SMAD2: variants seen among roughly 807,000 people sequenced by gnomAD.
The protein encoded by SMAD2 is MAD homolog 2.
SMAD2 carries 8 observed loss-of-function variants against 64.4 expected under a neutral mutation model. That is an observed-to-expected ratio of 0.12 (90% CI 0.07 to 0.22). The LOEUF (loss-of-function observed/expected upper bound fraction) is 0.22. Ranked by LOEUF, SMAD2 falls within the 10% of genes least tolerant of loss-of-function variation. The pLI is 1.00. For synonymous variants in SMAD2, 203 were observed against 195.8 expected (o/e 1.04, Z -0.31); for missense variants, 289 against 561.2 (o/e 0.51, Z 4.90).
chr18:47,834,747 A>C lies in SMAD2; in HGVS notation c.*7080T>G, dbSNP rs1377743648. The C allele has an allele frequency of 9.0e-6, 2 of 221,262 alleles. No individual in the cohort carries two copies. The highest frequency in any genetic ancestry group is 1.3e-4 in the East Asian group (2 of 15,244). 13.7% of individuals were successfully genotyped at this position (221,262 alleles called of 1,614,324 possible). A position where few individuals can be genotyped will look rare whatever the true frequency, so the allele number is the denominator to read the frequency against. ...AATCTGTTTTCAGACAAATCTTCTA[A>C]AGGTTCTTCTAGCTTTGTCCAGTTA... On this transcript the variant is annotated 3_prime_UTR_variant, in exon 11 of 11. Transcript: ENST00000262160.
At chr18:47,928,360 C>T (rs2034851915) in intron 1 of SMAD2, among the ~76,000 whole-genome samples, 1 of 152,132 alleles carries the variant, frequency 6.6e-6, no homozygotes, top group South Asian at 2.1e-4. Context: ...CACAGCTAAA[C>T]CGAGTTTTTC....
At chr18:47,921,740 T>C (rs916193044) in intron 1 of SMAD2, among the ~76,000 whole-genome samples, 2 of 152,214 alleles carry the variant, frequency 1.3e-5, no homozygotes, top group African/African-American at 4.8e-5. Flanking sequence ...TTATCTCTAG[T>C]AAATCCCCCA....
Position 47,837,574 on chromosome 18 carries a change from AAAAAAC to A in SMAD2, c.*4247_*4252del, listed in dbSNP as rs1913544272. The A allele has an allele frequency of 8.8e-6, 2 of 227,916 alleles. No individual in the cohort carries two copies. The highest frequency in any genetic ancestry group is 5.8e-5 in the Admixed American group (1 of 17,368). 14.1% of individuals were successfully genotyped at this position (227,916 alleles called of 1,614,324 possible). A position where few individuals can be genotyped will look rare whatever the true frequency, so the allele number is the denominator to read the frequency against. On this transcript the variant is annotated 3_prime_UTR_variant, in exon 11 of 11. Coordinates refer to ENST00000262160, the MANE Select transcript of SMAD2 (RefSeq NM_005901.6). ...GAGACTCCCTCTCAAAAAAAAAAAA[AAAAAAC>A]AAAAAACAAGGCTAACAAGAAAGAG...
At position 47,838,903 on chromosome 18, in the gene SMAD2, T is replaced by C; in HGVS notation, c.*2924A>G. The C allele has an allele frequency of 4.3e-6, 1 of 233,098 alleles. No individual in the cohort carries two copies. Among genetic ancestry groups the C allele is most frequent in the East Asian group, 6.0e-5 (1 of 16,652 alleles). 14.4% of individuals were successfully genotyped at this position (233,098 alleles called of 1,614,324 possible). On this transcript the variant is annotated 3_prime_UTR_variant, in exon 11 of 11. Coordinates refer to ENST00000262160, the MANE Select transcript of SMAD2 (RefSeq NM_005901.6). ...ATCATTCCTAGAAAATTAACAGTAT[T>C]GTGAAGAATAAATCCTAAGTAATGT...
chr18:47,888,829 A>T (rs1404462944), intron 2 of SMAD2, among the ~76,000 whole-genome samples: 1 of 152,238 alleles, frequency 6.6e-6, no homozygotes, highest in Admixed American at 6.5e-5. Flanking sequence ...TTGAGAAAGA[A>T]AAGAATGGAC....
Position 47,900,215 on chromosome 18 carries a change from T to TA in SMAD2, c.-53-3407dup, listed in dbSNP as rs886234616. Among the ~76,000 whole-genome samples the TA allele has an allele frequency of 2.0e-5, 3 of 152,006 alleles. No individual in the cohort carries two copies. The East Asian group carries it at 5.8e-4, about 29-fold the overall frequency. The stretch of plus-strand genomic sequence containing the variant: ...CCATCATTTCAACCTGCAATCAATA[T>TA]AAAAAAAATTTTCATACTAAGTCTA... On this transcript the variant is annotated intron_variant, in intron 1 of 10. Coordinates refer to ENST00000262160, the MANE Select transcript of SMAD2 (RefSeq NM_005901.6).
chr18:47,885,731 G>T (rs935918150), intron 2 of SMAD2, among the ~76,000 whole-genome samples: 1 of 152,142 alleles, frequency 6.6e-6, no homozygotes, highest in African/African-American at 2.4e-5. Flanking sequence ...GGAGGCTGAG[G>T]CAGGCAGATC....
At chr18:47,845,000 C>A (rs1340169364) in intron 10 of SMAD2, 20 of 525,912 alleles carry the variant, frequency 3.8e-5, no homozygotes, top group Non-Finnish European at 6.4e-5. Context: ...GCACCTTTTA[C>A]AACTAGATCA....
chr18:47,873,833 G>A (rs1422053996), intron 2 of SMAD2, among the ~76,000 whole-genome samples: 1 of 152,248 alleles, frequency 6.6e-6, no homozygotes, highest in East Asian at 1.9e-4. Context: ...GCTAGGCAGG[G>A]CAACTAGAAT....
intron 1 of SMAD2, among the ~76,000 whole-genome samples, chr18:47,922,859 C>A (rs1213153631): frequency 6.6e-6 from 1 of 152,246 alleles, no homozygotes; most frequent in East Asian, 1.9e-4. Context: ...AGGAAAGACA[C>A]TGCCAACTGG....
rs867734007 is a variant in SMAD2 at position 47,930,617 on chromosome 18, C to G, written c.-310G>C. ...GGAGAGGGAAGGGGAGGGGAGGGAG[C>G]CTGGCCGCCGCCCGCGGGGAAGGAG... On this transcript the variant is annotated 5_prime_UTR_variant, in exon 1 of 11. Transcript: ENST00000262160. 6.7e-6 allele frequency: 1 copy of G among 148,924 alleles called. No individual in the cohort carries two copies. The highest frequency in any genetic ancestry group is 6.6e-5 in the Admixed American group (1 of 15,058). 9.2% of individuals were successfully genotyped at this position (148,924 alleles called of 1,614,324 possible). A position where few individuals can be genotyped will look rare whatever the true frequency, so the allele number is the denominator to read the frequency against.
intron 2 of SMAD2, among the ~76,000 whole-genome samples, chr18:47,876,868 T>C (rs1328988017): frequency 1.3e-5 from 2 of 152,098 alleles, no homozygotes; most frequent in Non-Finnish European, 2.9e-5. Flanking sequence ...TATCCAGATA[T>C]TATGTTTGGT....
At chr18:47,868,564 G>T in intron 4 of SMAD2, 107 bp from the exon 5 acceptor site, 1 of 861,156 alleles carries the variant, frequency 1.2e-6, no homozygotes, top group Non-Finnish European at 1.9e-6. Flanking sequence ...AATTTTTAAA[G>T]CTAGGGTCCA....
chr18:47,917,373 T>C (rs948734777), intron 1 of SMAD2, among the ~76,000 whole-genome samples: 1 of 152,226 alleles, frequency 6.6e-6, no homozygotes, highest in Non-Finnish European at 1.5e-5. Context: ...CTTTTAGGAG[T>C]ATCTCCACTT....
At chr18:47,871,332 T>G (rs2031920575) in intron 2 of SMAD2, among the ~76,000 whole-genome samples, 2 of 152,208 alleles carry the variant, frequency 1.3e-5, no homozygotes, top group Admixed American at 1.3e-4. Flanking sequence ...TCTTACATAT[T>G]ACAAAATCAT....
intron 6 of SMAD2, among the ~76,000 whole-genome samples, chr18:47,859,769 CA>C (rs1568054044): frequency 6.6e-6 from 1 of 151,994 alleles, no homozygotes; most frequent in Non-Finnish European, 1.5e-5. Context: ...TGAATACAAA[CA>C]AAACAGAAAA....
At chr18:47,873,123 A>G (rs908834523) in intron 2 of SMAD2, among the ~76,000 whole-genome samples, 2 of 152,128 alleles carry the variant, frequency 1.3e-5, no homozygotes, top group Admixed American at 6.6e-5. Context: ...TACAGAAGTA[A>G]GTCAACGTGC....
chr18:47,906,392 G>T (rs1336119768), intron 1 of SMAD2, among the ~76,000 whole-genome samples: 1 of 152,060 alleles, frequency 6.6e-6, no homozygotes, highest in Non-Finnish European at 1.5e-5. Flanking sequence ...ACACAAAAAG[G>T]TAAGCTCAGC....
In SMAD2 at chr18:47,837,802, A is replaced by G. The variant is rs955646217; in HGVS notation, c.*4025T>C. 5 of 232,924 alleles carry G rather than the reference A, an allele frequency of 2.1e-5. No individual in the cohort carries two copies. The highest frequency in any genetic ancestry group is 4.4e-5 in the African/African-American group (2 of 45,304). 14.4% of individuals were successfully genotyped at this position (232,924 alleles called of 1,614,324 possible). ...ATGTCCACAGACTAGATATCTAAAGAGATACTTGGTGGGCAGGGGCTTGGG... is the reference window on the plus strand; with the variant it reads ...ATGTCCACAGACTAGATATCTAAAGGGATACTTGGTGGGCAGGGGCTTGGG... On this transcript the variant is annotated 3_prime_UTR_variant, in exon 11 of 11. Coordinates refer to ENST00000262160, the MANE Select transcript of SMAD2 (RefSeq NM_005901.6).
Sources: allele counts gnomAD v4.1 joint callset (sites outside exome capture counted in the v4.1 genomes callset), GRCh38; gene constraint gnomAD v4.1.1; transcripts MANE v1.5; gene names NCBI Gene and HGNC (gene_info 2026-07-23, HGNC 2026-07-21).